The following SATB2 variants were observed in gnomAD, a reference collection of about 807,000 sequenced individuals.
SATB2 encodes the protein SATB homeobox 2, also known as DNA-binding protein SATB2.
Under a neutral mutation model 73.4 loss-of-function variants are expected in SATB2, and 1 was observed. The ratio of observed to expected loss-of-function variants is 0.01; its 90% CI spans 0.00 to 0.06. The LOEUF (loss-of-function observed/expected upper bound fraction) is 0.06, where lower values mean the gene tolerates loss of function less well. SATB2 is among the 10% of genes least tolerant of loss of function. SATB2 has a pLI of 1.00. For missense variants in SATB2, 459 were observed against 945.8 expected (o/e 0.49, Z 6.75); for synonymous variants, 397 against 367.0 (o/e 1.08, Z -0.93).
At chr2:199,467,739 C>T (rs973439208), upstream of SATB2, among the ~76,000 whole-genome samples, 13 of 152,184 alleles carry the variant, frequency 8.5e-5, no homozygotes, top group East Asian at 1.9e-4. Context: ...GCATCCCTAC[C>T]GCAATATACC....
At chr2:199,349,639 T>A (rs1168309495) in intron 6 of SATB2, among the ~76,000 whole-genome samples, 1 of 152,214 alleles carries the variant, frequency 6.6e-6, no homozygotes, top group African/African-American at 2.4e-5. Context: ...ATAAATATTA[T>A]TATACAGCTA....
At chr2:199,377,830 A>C (rs1434768158) in intron 5 of SATB2, among the ~76,000 whole-genome samples, 1 of 152,110 alleles carries the variant, frequency 6.6e-6, no homozygotes, top group African/African-American at 2.4e-5. Context: ...CAAGGGAAAA[A>C]GATTTTAGAT....
chr2:199,442,526 C>A (rs570621851), intron 2 of SATB2, among the ~76,000 whole-genome samples: 1 of 152,130 alleles, frequency 6.6e-6, no homozygotes. Context: ...AATTTAGTAA[C>A]TACAGAAAGA....
chr2:199,270,364 T>A lies in SATB2; in HGVS notation c.*1847A>T, dbSNP rs972578987. 1 of 145,972 alleles carries A rather than the reference T, an allele frequency of 6.9e-6. No homozygotes were observed. The highest frequency in any genetic ancestry group is 2.5e-5 in the African/African-American group (1 of 40,124). 9.0% of individuals were successfully genotyped at this position (145,972 alleles called of 1,614,324 possible). On this transcript the variant is annotated 3_prime_UTR_variant, in exon 11 of 11. Coordinates refer to ENST00000417098, the MANE Select transcript of SATB2 (RefSeq NM_001172509.2). ...CTGAGTTAATATCTACACATAGAGG[T>A]TTTTTTTTTAACTCCTACCTTTTAT...
intron 5 of SATB2, among the ~76,000 whole-genome samples, chr2:199,369,779 G>A (rs1206432885): frequency 6.6e-6 from 1 of 152,060 alleles, no homozygotes; most frequent in Non-Finnish European, 1.5e-5. Context: ...TATTTAACAG[G>A]AGGTTAAAAT....
At chr2:199,351,326 T>C (rs1228324054) in intron 6 of SATB2, among the ~76,000 whole-genome samples, 2 of 151,994 alleles carry the variant, frequency 1.3e-5, no homozygotes, top group Admixed American at 1.3e-4. Context: ...CATGCCCAGC[T>C]AATTTTTTGT....
rs143608375 is a variant in SATB2, at chr2:199,358,770, C to G, written c.701-9597G>C. Among the ~76,000 whole-genome samples the G allele has an allele frequency of 2.6e-5, 4 of 152,246 alleles. No individual in the cohort carries two copies. In the East Asian group the frequency reaches 7.7e-4, roughly 29 times the overall value. On this transcript the variant is annotated intron_variant, in intron 6 of 10. Coordinates refer to ENST00000417098, the MANE Select transcript of SATB2 (RefSeq NM_001172509.2). ...AACATATATCCACCATAAAGTAACT[C>G]AAATGTGGACACCTCTGTTTCTTTG...
At chr2:199,363,915 G>A (rs182575399) in intron 6 of SATB2, among the ~76,000 whole-genome samples, 2 of 152,270 alleles carry the variant, frequency 1.3e-5, no homozygotes, top group Admixed American at 6.5e-5. Flanking sequence ...ACTTCATTTA[G>A]ATCTGAAGCT....
At chr2:199,374,848 C>T (rs144587100) in intron 5 of SATB2, among the ~76,000 whole-genome samples, 205 of 152,014 alleles carry the variant, frequency 1.3e-3, no homozygotes, top group African/African-American at 4.8e-3. Flanking sequence ...CCTGTAATGC[C>T]AGCTACTTGG....
At chr2:199,296,560 T>A (rs897636751) in intron 10 of SATB2, among the ~76,000 whole-genome samples, 11 of 152,012 alleles carry the variant, frequency 7.2e-5, no homozygotes, top group African/African-American at 2.7e-4. Flanking sequence ...GGGATGGTAG[T>A]GTGCTCCTGT....
intron 10 of SATB2, among the ~76,000 whole-genome samples, chr2:199,279,658 T>A (rs1305282787): frequency 2.6e-5 from 4 of 152,164 alleles, no homozygotes; most frequent in Non-Finnish European, 4.4e-5. Flanking sequence ...ACCCAAAGCT[T>A]CAGGTCCTGT....
intron 3 of SATB2, among the ~76,000 whole-genome samples, chr2:199,420,151 G>A (rs549491873): frequency 6.6e-6 from 1 of 152,218 alleles, no homozygotes; most frequent in South Asian, 2.1e-4. Flanking sequence ...GTGTACCCTG[G>A]GGTATGTCAC....
At chr2:199,374,928 T>C (rs112535104) in intron 5 of SATB2, among the ~76,000 whole-genome samples, 3,547 of 150,220 alleles carry the variant, frequency 0.024, 58 homozygotes, top group Non-Finnish European at 0.037. Context: ...CATGCCACTG[T>C]ACTCCAGCCT....
chr2:199,381,539 C>T (rs550847214), intron 4 of SATB2, among the ~76,000 whole-genome samples, 155 bp downstream of exon 4: 13 of 152,302 alleles, frequency 8.5e-5, no homozygotes, highest in Admixed American at 2.0e-4. Context: ...AAGGGCCACC[C>T]TTCTCCTTCT....
At chr2:199,319,085 T>C (rs1026624184) in intron 9 of SATB2, among the ~76,000 whole-genome samples, 9 of 151,780 alleles carry the variant, frequency 5.9e-5, no homozygotes, top group Admixed American at 1.3e-4. Flanking sequence ...ACATGAAGCA[T>C]AGAACATACT....
At chr2:199,341,386 C>G (rs189861082) in intron 7 of SATB2, among the ~76,000 whole-genome samples, 2 of 152,172 alleles carry the variant, frequency 1.3e-5, no homozygotes, top group Non-Finnish European at 2.9e-5. Flanking sequence ...GGAGTAGGGC[C>G]GAGAGGCAAA....
chr2:199,356,473 C>G (rs532322696), intron 6 of SATB2, among the ~76,000 whole-genome samples: 1 of 152,106 alleles, frequency 6.6e-6, no homozygotes, highest in African/African-American at 2.4e-5. Flanking sequence ...AACCTCCTCT[C>G]CAGGTTCTCT....
chr2:199,327,173 C>T (rs1200187650), intron 8 of SATB2, among the ~76,000 whole-genome samples: 2 of 152,184 alleles, frequency 1.3e-5, no homozygotes, highest in African/African-American at 4.8e-5. Context: ...GGCACGGTGG[C>T]TCATGCCTGT....
chr2:199,332,826 A>G (rs1688226390), intron 7 of SATB2, among the ~76,000 whole-genome samples: 1 of 152,094 alleles, frequency 6.6e-6, no homozygotes, highest in Admixed American at 6.6e-5. Context: ...TATAAAATCT[A>G]CTTCCAAGTT....
Sources: allele counts gnomAD v4.1 joint callset (sites outside exome capture counted in the v4.1 genomes callset), GRCh38; gene constraint gnomAD v4.1.1; transcripts MANE v1.5; gene names NCBI Gene and HGNC (gene_info 2026-07-23, HGNC 2026-07-21).